Variants in FBXO31 observed in about 807,000 individuals in gnomAD.
FBXO31 encodes the protein F-box protein 31, also known as F-box only protein 31.
A neutral mutation model predicts 54.4 loss-of-function variants in FBXO31; 24 were observed. The observed-to-expected ratio is 0.44, with a 90% confidence interval of 0.32 to 0.62. The LOEUF (loss-of-function observed/expected upper bound fraction) is 0.62. Ranked by LOEUF, FBXO31 falls within the 20% of genes least tolerant of loss-of-function variation. The pLI, the probability that FBXO31 is intolerant of heterozygous loss-of-function variation, is 0.05. For missense variants in FBXO31, 665 were observed against 787.1 expected (o/e 0.84, Z 1.86); for synonymous variants, 388 against 335.6 (o/e 1.16, Z -1.71).
chr16:87,347,735 G>A (rs888274682), intron 2 of FBXO31, among the ~76,000 whole-genome samples: 2 of 148,772 alleles, frequency 1.3e-5, no homozygotes, highest in Non-Finnish European at 3.0e-5. Flanking sequence ...GAAGGCCTAA[G>A]TAAAATGAGT....
At chr16:87,392,070 C>G (rs1907582463), upstream of FBXO31, 3 of 221,244 alleles carry the variant, frequency 1.4e-5, no homozygotes, top group African/African-American at 6.9e-5. Flanking sequence ...GCGGCCCAGC[C>G]CACAACCGTC....
chr16:87,373,590 T>G (rs1597377433), intron 1 of FBXO31, among the ~76,000 whole-genome samples: 1 of 151,480 alleles, frequency 6.6e-6, no homozygotes, highest in Non-Finnish European at 1.5e-5. Flanking sequence ...AGTGCAGCGG[T>G]ATGAACAAGC....
At chr16:87,381,572 G>A (rs928811474) in intron 1 of FBXO31, among the ~76,000 whole-genome samples, 2 of 152,216 alleles carry the variant, frequency 1.3e-5, no homozygotes, top group East Asian at 1.9e-4. Context: ...CGACCATTAA[G>A]CAACAAAAAT....
At chr16:87,344,858 G>C (rs1392758322) in intron 3 of FBXO31, among the ~76,000 whole-genome samples, 2 of 152,010 alleles carry the variant, frequency 1.3e-5, no homozygotes, top group African/African-American at 4.8e-5. Flanking sequence ...CCCCACCTGG[G>C]GGCAAAACCC....
In FBXO31 at chr16:87,389,266, G is replaced by A. The variant is rs1224733080; in HGVS notation, c.-177+471C>T. On this transcript the variant is annotated intron_variant, in intron 1 of 8. Transcript: ENST00000618298. ...GGATTCTTTTCTGAGAGCCATGGAA[G>A]GATATGTGGCTTTAGATTCAAGTTG... Among the ~76,000 whole-genome samples the A allele has an allele frequency of 7.9e-5, 12 of 152,278 alleles. No individual in the cohort carries two copies. In the South Asian group the frequency reaches 2.5e-3, roughly 32 times the overall value.
intron 2 of FBXO31, among the ~76,000 whole-genome samples, chr16:87,355,664 A>G (rs1323917686): frequency 6.6e-6 from 1 of 152,236 alleles, no homozygotes; most frequent in Non-Finnish European, 1.5e-5. Flanking sequence ...ATCAAAACCC[A>G]CATATGATAA....
At chr16:87,348,388 G>C (rs1207868860) in intron 2 of FBXO31, among the ~76,000 whole-genome samples, 1 of 152,178 alleles carries the variant, frequency 6.6e-6, no homozygotes, top group Non-Finnish European at 1.5e-5. Context: ...CCCATCATTC[G>C]GGAAGCCTTA....
In FBXO31 at chr16:87,329,971, C is replaced by CGAG. The variant is rs1904790593; in HGVS notation, c.*1314_*1316dup. On this transcript the variant is annotated 3_prime_UTR_variant, in exon 9 of 9. Coordinates refer to ENST00000311635, the MANE Select transcript of FBXO31 (RefSeq NM_024735.5). Reference sequence around the variant, plus strand: ...CAAGGCACACAGACTGTCACCTTCCCGAGGTCCCTCACCAGCAGGACGTGT... The same window carrying CGAG: ...CAAGGCACACAGACTGTCACCTTCCCGAGGAGGTCCCTCACCAGCAGGACGTGT... 6.6e-6 allele frequency: 1 copy of CGAG among 152,354 alleles called. No homozygotes were observed. Among genetic ancestry groups the CGAG allele is most frequent in the Non-Finnish European group, 1.5e-5 (1 of 68,118 alleles). 9.4% of individuals were successfully genotyped at this position (152,354 alleles called of 1,614,324 possible). A position where few individuals can be genotyped will look rare whatever the true frequency, so the allele number is the denominator to read the frequency against.
chr16:87,388,819 G>A (rs1597385016), intron 1 of FBXO31: 2 of 152,270 alleles, frequency 1.3e-5, no homozygotes, highest in South Asian at 4.1e-4. Context: ...TGATTATTTG[G>A]TAGTTTAAAG....
At position 87,327,930 on chromosome 16, in the gene FBXO31, G is replaced by T. The variant is rs933256026; in HGVS notation, c.*3358C>A. 2 of 152,238 alleles carry T rather than the reference G, an allele frequency of 1.3e-5. No homozygotes were observed. The highest frequency in any genetic ancestry group is 1.3e-4 in the Admixed American group (2 of 15,282). The allele number at this position is 152,238 out of a possible 1,614,324, so 9.4% of individuals were successfully genotyped here. A position where few individuals can be genotyped will look rare whatever the true frequency, so the allele number is the denominator to read the frequency against. ...AGAAACATCCTAAAAGAGCCTAGCTGCTTTCTGCAGCACCTTGGACGGTGG... is the reference window on the plus strand; with the variant it reads ...AGAAACATCCTAAAAGAGCCTAGCTTCTTTCTGCAGCACCTTGGACGGTGG... On this transcript the variant is annotated 3_prime_UTR_variant, in exon 9 of 9. Transcript: ENST00000311635.
rs987425738 is a variant in FBXO31 at position 87,338,112 on chromosome 16, C to G, written c.733-1848G>C. On this transcript the variant is annotated intron_variant, in intron 5 of 8. Coordinates refer to ENST00000311635, the MANE Select transcript of FBXO31 (RefSeq NM_024735.5). This position sits in a 1 kb window ranked among gnomAD's most constrained non-coding sequence, Gnocchi z 4.3. ...GGAAGATGAGCATGTGTAGCCATGA[C>G]CTCGCTTTACATAAAGAGGTCCAAG... is the stretch of plus-strand genomic sequence containing the variant. 6.6e-6 allele frequency among the ~76,000 whole-genome samples: 1 copy of G among 152,134 alleles called. No individual in the cohort carries two copies. Among genetic ancestry groups the G allele is most frequent in the South Asian group, 2.1e-4 (1 of 4,826 alleles).
Position 87,383,387 on chromosome 16 carries a change from C to A in FBXO31, c.340+18G>T. ...GGACCCCCCGCCCCTCCCGGCCCCG[C>A]CACCCCCGCGCGCTCACCCTCACGG... On this transcript the variant is annotated intron_variant, in intron 1 of 8. Coordinates refer to ENST00000311635, the MANE Select transcript of FBXO31 (RefSeq NM_024735.5). This position sits in a 1 kb window ranked among gnomAD's most constrained non-coding sequence, Gnocchi z 4.9. 1 of 1,512,424 alleles carries A rather than the reference C, an allele frequency of 6.6e-7. No individual in the cohort carries two copies. Among genetic ancestry groups the A allele is most frequent in the Non-Finnish European group, 8.9e-7 (1 of 1,124,744 alleles). The allele number at this position is 1,512,424 out of a possible 1,614,324, so 93.7% of individuals were successfully genotyped here. A position where few individuals can be genotyped will look rare whatever the true frequency, so the allele number is the denominator to read the frequency against.
At position 87,346,704 on chromosome 16, in the gene FBXO31, C is replaced by T. The variant is rs143054471; in HGVS notation, c.489+470G>A. 4.0e-3 allele frequency among the ~76,000 whole-genome samples: 609 copies of T among 152,320 alleles called. 8 individuals carry two copies. Among genetic ancestry groups the T allele is most frequent in the Non-Finnish European group, 6.2e-3 (420 of 68,038 alleles). The stretch of plus-strand genomic sequence containing the variant: ...AGAGCTCAACAAAGTCAGAGCAGGG[C>T]TTTCCGTTCGAGAGGCTCCAGTAGG... On this transcript the variant is annotated intron_variant, in intron 3 of 8. Coordinates refer to ENST00000311635, the MANE Select transcript of FBXO31 (RefSeq NM_024735.5). This position sits in a 1 kb window ranked among gnomAD's most constrained non-coding sequence, Gnocchi z 4.2.
intron 1 of FBXO31, among the ~76,000 whole-genome samples, chr16:87,374,921 G>A (rs929098338): frequency 4.6e-5 from 7 of 152,154 alleles, no homozygotes; most frequent in African/African-American, 1.4e-4. Flanking sequence ...AATGGCTCAC[G>A]CCTGTAATCC....
intron 1 of FBXO31, among the ~76,000 whole-genome samples, chr16:87,365,572 C>T (rs543058921): frequency 6.6e-6 from 1 of 152,292 alleles, no homozygotes; most frequent in African/African-American, 2.4e-5. Context: ...GCAAGATACC[C>T]GGGATGGCTG....
chr16:87,370,107 C>G (rs928245692), intron 1 of FBXO31, among the ~76,000 whole-genome samples: 2 of 152,218 alleles, frequency 1.3e-5, no homozygotes, highest in Non-Finnish European at 2.9e-5. Flanking sequence ...TCTAGTCCAT[C>G]TCTCTGGTGG....
chr16:87,366,847 C>T (rs1171447491), intron 1 of FBXO31, among the ~76,000 whole-genome samples: 1 of 152,118 alleles, frequency 6.6e-6, no homozygotes, highest in Non-Finnish European at 1.5e-5. Flanking sequence ...ATGGAGCACT[C>T]TCTGGCGACC....
intron 2 of FBXO31, among the ~76,000 whole-genome samples, chr16:87,348,355 C>T (rs890894287): frequency 5.3e-5 from 8 of 152,220 alleles, no homozygotes; most frequent in African/African-American, 1.7e-4. Flanking sequence ...AAGTCTGCCT[C>T]GACTTCACCA....
chr16:87,372,916 G>A (rs1906663186), intron 1 of FBXO31, among the ~76,000 whole-genome samples: 1 of 151,638 alleles, frequency 6.6e-6, no homozygotes, highest in Non-Finnish European at 1.5e-5. Context: ...TGTACTTTCT[G>A]TAGAGACGGG....
Sources: allele counts gnomAD v4.1 joint callset (sites outside exome capture counted in the v4.1 genomes callset), GRCh38; gene constraint gnomAD v4.1.1; non-coding constraint Gnocchi (gnomAD v3.1); transcripts MANE v1.5; gene names NCBI Gene and HGNC (gene_info 2026-07-23, HGNC 2026-07-21).